FN3K: variants seen among roughly 807,000 people sequenced by gnomAD.
The protein encoded by FN3K is fructosamine 3 kinase, also known as fructosamine-3-kinase.
Under a neutral mutation model 24.8 loss-of-function variants are expected in FN3K, and 24 were observed. That is an observed-to-expected ratio of 0.97 (90% CI 0.70 to 1.36). The LOEUF (loss-of-function observed/expected upper bound fraction) is 1.36. Ranked by LOEUF, FN3K falls within the 40% of genes most tolerant of loss-of-function variation. The probability of loss-of-function intolerance (pLI) is 0.00; values close to 1 mark genes in which losing one functional copy is unlikely to be tolerated. For missense variants in FN3K, 449 were observed against 416.7 expected (o/e 1.08, Z -0.67); for synonymous variants, 192 against 175.2 (o/e 1.10, Z -0.76).
rs1323244914 is a variant in FN3K at position 82,750,848 on chromosome 17, C to A, written c.*93C>A. The A allele has an allele frequency of 2.1e-6, 2 of 961,568 alleles. No homozygotes were observed. Among genetic ancestry groups the A allele is most frequent in the Non-Finnish European group, 3.0e-6 (2 of 670,468 alleles). The allele number at this position is 961,568 out of a possible 1,614,324, so 59.6% of individuals were successfully genotyped here. A position where few individuals can be genotyped will look rare whatever the true frequency, so the allele number is the denominator to read the frequency against. ...CCCGTCCCTGTGCCCCCGTCCCTGT[C>A]CCCCTGTTCCCGTCTCCCCGTCCCT... On this transcript the variant is annotated 3_prime_UTR_variant, in exon 6 of 6. Coordinates refer to ENST00000300784, the MANE Select transcript of FN3K (RefSeq NM_022158.4).
At chr17:82,741,276 A>G in intron 3 of FN3K, 35 bp from the exon 4 acceptor site, 1 of 1,597,150 alleles carries the variant, frequency 6.3e-7, no homozygotes, top group South Asian at 1.1e-5. Flanking sequence ...GAGAAAGACA[A>G]ACAGCTCCTT....
At chr17:82,749,149 G>A in intron 5 of FN3K, 172 bp downstream of exon 5, 1 of 975,026 alleles carries the variant, frequency 1.0e-6, no homozygotes, top group Non-Finnish European at 1.6e-6. Context: ...GAGTCCGAAA[G>A]GAGTGAGGAG....
intron 4 of FN3K, 174 bp downstream of exon 4, chr17:82,741,567 C>G (rs1208890735): frequency 1.6e-5 from 10 of 623,210 alleles, no homozygotes; most frequent in Non-Finnish European, 2.9e-5. Flanking sequence ...GGTCACTGAG[C>G]TGAGCTGGGC....
At chr17:82,748,062 C>T (rs2065779013) in intron 4 of FN3K, among the ~76,000 whole-genome samples, 1 of 152,014 alleles carries the variant, frequency 6.6e-6, no homozygotes, top group African/African-American at 2.4e-5. Context: ...TTAGTCGACT[C>T]CCTTTGTGAA....
At chr17:82,748,142 CTTTTTTTTTTTCT>C (rs2046978906) in intron 4 of FN3K, among the ~76,000 whole-genome samples, 1 of 141,872 alleles carries the variant, frequency 7.0e-6, no homozygotes, top group African/African-American at 2.6e-5. Flanking sequence ...CTCTAGCTTT[CTTTTTTTTTTTCT>C]TTTTTTTTTT....
chr17:82,735,662 T>G lies in FN3K; in HGVS notation c.26T>G (p.Leu9Arg). MEQLLRAE[L>R]RTATLRAFGG... Reference sequence around the variant, plus strand: ...ATGGAGCAGCTGCTGCGCGCCGAGCTGCGCACCGCGACCCTGCGGGCCTTC... The same window carrying G: ...ATGGAGCAGCTGCTGCGCGCCGAGCGGCGCACCGCGACCCTGCGGGCCTTC... Residue 9 changes from leucine to arginine, a missense_variant, in exon 1 of 6, where the codon CTG becomes CGG. Physicochemically the swap from Leu to Arg is moderately radical, Grantham distance 102. Coordinates refer to ENST00000300784, the MANE Select transcript of FN3K (RefSeq NM_022158.4). 1 of 1,538,560 alleles carries G rather than the reference T, an allele frequency of 6.5e-7. No individual in the cohort carries two copies. Among genetic ancestry groups the G allele is most frequent in the Non-Finnish European group, 8.7e-7 (1 of 1,148,082 alleles).
At chr17:82,749,710 ATG>A (rs1744208626) in intron 5 of FN3K, 1 of 159,224 alleles carries the variant, frequency 6.3e-6, no homozygotes, top group South Asian at 1.8e-4. Context: ...TTAAAAAAGA[ATG>A]TGCATGTCAA....
intron 4 of FN3K, among the ~76,000 whole-genome samples, chr17:82,743,550 C>T (rs1478677143): frequency 6.6e-6 from 1 of 152,184 alleles, no homozygotes; most frequent in African/African-American, 2.4e-5. Context: ...GCGGGCTCCT[C>T]AGACACCTGG....
intron 5 of FN3K, chr17:82,749,821 C>T (rs936217817): frequency 6.1e-5 from 10 of 163,104 alleles, no homozygotes; most frequent in South Asian, 3.3e-4. Context: ...TTTGGGAGGC[C>T]GAGGTGGATA....
chr17:82,740,724 AT>A (rs1413776631), intron 2 of FN3K, 38 bp from the exon 3 acceptor site: 7 of 1,406,526 alleles, frequency 5.0e-6, no homozygotes, highest in Middle Eastern at 3.5e-4. Flanking sequence ...GTTATTTATT[AT>A]TTGTTATTTT....
chr17:82,751,098 CCCCGT>C lies in FN3K; in HGVS notation c.*347_*351del. 2.0e-5 allele frequency: 1 copy of C among 49,856 alleles called. No individual in the cohort carries two copies. The highest frequency in any genetic ancestry group is 1.4e-4 in the South Asian group (1 of 7,158). The allele number at this position is 49,856 out of a possible 1,614,324, so 3.1% of individuals were successfully genotyped here. A position where few individuals can be genotyped will look rare whatever the true frequency, so the allele number is the denominator to read the frequency against. Reference sequence around the variant, plus strand: ...CCGTCTCCCATCGCCGTCCCCCCGTCCCCGTCCCCCGTCCCCGTCCCCCCTGTCCC... The same window carrying C: ...CCGTCTCCCATCGCCGTCCCCCCGTCCCCCCGTCCCCGTCCCCCCTGTCCC... On this transcript the variant is annotated 3_prime_UTR_variant, in exon 6 of 6. Transcript: ENST00000300784.
intron 4 of FN3K, among the ~76,000 whole-genome samples, chr17:82,746,737 G>A (rs2046970714): frequency 6.6e-6 from 1 of 152,030 alleles, no homozygotes; most frequent in Admixed American, 6.5e-5. Flanking sequence ...CGGGAGGCAG[G>A]GAGGTTGCAG....
chr17:82,748,955 G>C lies in FN3K; in HGVS notation c.569G>C (p.Arg190Pro). 6.2e-7 allele frequency: 1 copy of C among 1,614,168 alleles called. No homozygotes were observed. The highest frequency in any genetic ancestry group is 2.2e-5 in the East Asian group (1 of 44,886). The change falls in exon 5 of 6, where the codon CGA (arginine) becomes CCA (proline). Residue 190 changes from arginine to proline, a missense_variant. Physicochemically the swap from Arg to Pro is moderately radical, Grantham distance 103. Transcript: ENST00000300784. ...IEKDYADREA[R>P]ELWSRLQVKI... ...AAGGACTATGCTGACCGAGAGGCAC[G>C]AGAACTCTGGTCCCGGCTACAGGTG...
At chr17:82,746,388 G>T (rs918510478) in intron 4 of FN3K, among the ~76,000 whole-genome samples, 3 of 148,984 alleles carry the variant, frequency 2.0e-5, no homozygotes, top group South Asian at 4.3e-4. Context: ...TGTGAATAGG[G>T]TTTTTTTTTT....
rs777065071 is a variant in FN3K, at chr17:82,735,626, C to G, written c.-11C>G. ...GCTTCCGAGCGAGCAGAGTCCCGCG[C>G]CCCGCACTCCATGGAGCAGCTGCTG... is the stretch of plus-strand genomic sequence containing the variant. On this transcript the variant is annotated 5_prime_UTR_variant, in exon 1 of 6. Transcript: ENST00000300784. 4 of 1,519,706 alleles carry G rather than the reference C, an allele frequency of 2.6e-6. No homozygotes were observed. The East Asian group carries it at 7.8e-5, about 30-fold the overall frequency. The allele number at this position is 1,519,706 out of a possible 1,614,324, so 94.1% of individuals were successfully genotyped here. A position where few individuals can be genotyped will look rare whatever the true frequency, so the allele number is the denominator to read the frequency against.
intron 4 of FN3K, among the ~76,000 whole-genome samples, chr17:82,748,302 C>T (rs1282714721): frequency 6.6e-6 from 1 of 152,124 alleles, no homozygotes; most frequent in Non-Finnish European, 1.5e-5. Context: ...CCCACGCCAC[C>T]ATGCCCGGCT....
Position 82,750,521 on chromosome 17 carries a change from T to A in FN3K, c.696T>A (p.Ile232=). The change falls in exon 6 of 6, where the codon ATT becomes ATA. Residue 232 remains isoleucine (I), a synonymous_variant. Transcript: ENST00000300784. ...NVAEDDVGPI[I]YDPASFYGHS... is the part of the protein sequence containing the mutation. ...CTGAGGACGACGTGGGGCCCATTAT[T>A]TACGACCCGGCTTCCTTCTATGGCC... 1 of 1,614,148 alleles carries A rather than the reference T, an allele frequency of 6.2e-7. No individual in the cohort carries two copies. The highest frequency in any genetic ancestry group is 8.5e-7 in the Non-Finnish European group (1 of 1,180,030).
intron 1 of FN3K, chr17:82,738,190 C>CCCCACGCCCTCAGTGCTCCCGGGCA (rs2046916001): frequency 1.0e-5 from 4 of 394,022 alleles, no homozygotes; most frequent in Non-Finnish European, 1.9e-5. Context: ...ACTCACACCT[C>CCCCACGCCCTCAGTGCTCCCGGGCA]CCCACGCCCT....
At chr17:82,749,112 G>A in intron 5 of FN3K, 135 bp downstream of exon 5, 1 of 1,397,592 alleles carries the variant, frequency 7.2e-7, no homozygotes, top group Non-Finnish European at 9.8e-7. Flanking sequence ...GAGGAAGGGG[G>A]GCAGGGGCGG....
Sources: allele counts gnomAD v4.1 joint callset (sites outside exome capture counted in the v4.1 genomes callset), GRCh38; gene constraint gnomAD v4.1.1; transcripts MANE v1.5; gene names NCBI Gene and HGNC (gene_info 2026-07-23, HGNC 2026-07-21).